Variants in CCDC171 observed in about 807,000 individuals in gnomAD.
The protein encoded by CCDC171 is coiled-coil domain-containing protein 171.
A neutral mutation model predicts 168.2 loss-of-function variants in CCDC171; 177 were observed. The observed-to-expected ratio is 1.05, with a 90% CI of 0.93 to 1.19. The LOEUF (loss-of-function observed/expected upper bound fraction) is 1.19. Among genes scored for constraint, CCDC171 ranks in the 50% most tolerant of loss-of-function variants. The pLI is 0.00. For synonymous variants in CCDC171, 687 were observed against 540.8 expected, an observed-to-expected ratio of 1.27 and a Z score of -3.75; for missense variants, 1,991 against 1,539.0, an observed-to-expected ratio of 1.29 and a Z score of -4.91.
intron 1 of CCDC171, among the ~76,000 whole-genome samples, chr9:16,048,030 G>T (rs1176120921): frequency 6.6e-6 from 1 of 152,208 alleles, no homozygotes; most frequent in Non-Finnish European, 1.5e-5. Context: ...GCCTGCAGTG[G>T]CAAGTTGGCT....
chr9:16,000,131 G>A (rs1048798751), intron 3 of CCDC171, among the ~76,000 whole-genome samples: 1 of 152,150 alleles, frequency 6.6e-6, no homozygotes, highest in Non-Finnish European at 1.5e-5. Context: ...CATCATATGA[G>A]AGTCACATTG....
At chr9:15,657,722 C>G (rs903261072) in intron 8 of CCDC171, among the ~76,000 whole-genome samples, 15 of 152,104 alleles carry the variant, frequency 9.9e-5, no homozygotes, top group African/African-American at 3.1e-4. Context: ...ATATCTATCT[C>G]CAGATATATA....
chr9:15,825,648 C>G (rs1300795980), intron 21 of CCDC171, among the ~76,000 whole-genome samples: 2 of 152,036 alleles, frequency 1.3e-5, no homozygotes, highest in African/African-American at 4.8e-5. Context: ...ATTTCCAATA[C>G]AGGATTTTCT....
intron 23 of CCDC171, among the ~76,000 whole-genome samples, chr9:15,866,058 C>G (rs893325938): frequency 6.6e-6 from 1 of 151,780 alleles, no homozygotes; most frequent in Non-Finnish European, 1.5e-5. Flanking sequence ...GCATGAATGA[C>G]TAAATATTCT....
In CCDC171 at chr9:15,744,640, T is replaced by C. The variant is rs2055140012; in HGVS notation, c.2417T>C (p.Ile806Thr). 6.2e-7 allele frequency: 1 copy of C among 1,614,208 alleles called. No individual in the cohort carries two copies. Among genetic ancestry groups the C allele is most frequent in the East Asian group, 2.2e-5 (1 of 44,876 alleles). ...ATACGTATATTTCGGAAAGGTGTTATTGCTGTTTTGGCAGCAAACAGACTC... is the reference window on the plus strand; with the variant it reads ...ATACGTATATTTCGGAAAGGTGTTACTGCTGTTTTGGCAGCAAACAGACTC... The part of the protein sequence containing the change: ...GLIRIFRKGV[I>T]AVLAANRLKI... The change falls in exon 17 of 26, where the codon ATT (isoleucine) becomes ACT (threonine). Residue 806 changes from isoleucine (I) to threonine (T), a missense_variant. Coordinates refer to ENST00000380701, the MANE Select transcript of CCDC171 (RefSeq NM_173550.4).
intron 6 of CCDC171, among the ~76,000 whole-genome samples, chr9:15,597,362 C>T (rs532907849): frequency 5.7e-4 from 86 of 152,094 alleles, no homozygotes; most frequent in Middle Eastern, 3.4e-3. Context: ...TGAAGGGTTG[C>T]TGAATTTTGT....
intron 10 of CCDC171, among the ~76,000 whole-genome samples, chr9:15,693,782 C>T (rs2051005341): frequency 6.6e-6 from 1 of 152,110 alleles, no homozygotes; most frequent in African/African-American, 2.4e-5. Flanking sequence ...TTTAAATGTG[C>T]TTAAGTTTCT....
At chr9:15,958,552 T>TATTATATTATATTAC (rs1219473203) in intron 25 of CCDC171, among the ~76,000 whole-genome samples, 2 of 146,556 alleles carry the variant, frequency 1.4e-5, no homozygotes, top group East Asian at 3.9e-4. Flanking sequence ...TATTATATTA[T>TATTATATTATATTAC]ATTATATTAT....
At position 15,983,817 on chromosome 9, in the gene CCDC171, AGTGTGTGTGTGT is replaced by A. The variant is rs58951910; in HGVS notation, n.369-36743_369-36732del. ...AGGGAGGCAAGAGCTAAATAAAGAG[AGTGTGTGTGTGT>A]GTGTGTGTGTGTGTGTGTGTGTGTG... On this transcript the variant is annotated intron_variant and non_coding_transcript_variant, in intron 3 of 9. Coordinates refer to the CCDC171 transcript ENST00000486641. Among the ~76,000 whole-genome samples, 26 of 142,642 alleles carry A rather than the reference AGTGTGTGTGTGT, an allele frequency of 1.8e-4. 1 individual carries two copies. Among genetic ancestry groups the A allele is most frequent in the South Asian group, 6.9e-4 (3 of 4,332 alleles). 93.6% of individuals were successfully genotyped at this position (142,642 alleles called of 152,430 possible).
intron 6 of CCDC171, among the ~76,000 whole-genome samples, chr9:15,600,877 A>G (rs1447657877): frequency 6.6e-6 from 1 of 152,080 alleles, no homozygotes; most frequent in African/African-American, 2.4e-5. Context: ...TTGCAGTTGG[A>G]TTTCACACTG....
intron 3 of CCDC171, among the ~76,000 whole-genome samples, chr9:15,987,972 T>C (rs548641262): frequency 7.0e-4 from 107 of 152,364 alleles, no homozygotes; most frequent in South Asian, 5.2e-3. Flanking sequence ...CAGCCACCCT[T>C]GTGGACAATC....
chr9:15,767,172 G>A (rs558138135), intron 18 of CCDC171, among the ~76,000 whole-genome samples: 13 of 152,308 alleles, frequency 8.5e-5, no homozygotes, highest in South Asian at 4.1e-4. Flanking sequence ...AAGACCACAC[G>A]AATTTATTAT....
At chr9:15,952,634 T>TA (rs1254760622) in intron 25 of CCDC171, among the ~76,000 whole-genome samples, 7 of 152,054 alleles carry the variant, frequency 4.6e-5, no homozygotes, top group Admixed American at 1.3e-4. Flanking sequence ...CAACCTCAGG[T>TA]GATCCACCTG....
chr9:15,684,184 T>A (rs2050227698), intron 10 of CCDC171, among the ~76,000 whole-genome samples: 1 of 152,170 alleles, frequency 6.6e-6, no homozygotes, highest in Admixed American at 6.6e-5. Context: ...TAGGCTTTGA[T>A]GCTTCCTCGT....
intron 10 of CCDC171, among the ~76,000 whole-genome samples, chr9:15,691,165 C>A (rs1043974107): frequency 6.6e-6 from 1 of 151,920 alleles, no homozygotes; most frequent in Non-Finnish European, 1.5e-5. Context: ...AGTGTCGTCA[C>A]TAATAGCAAA....
intron 5 of CCDC171, 126 bp from the exon 6 acceptor site, chr9:15,593,915 T>A: frequency 1.6e-6 from 1 of 624,086 alleles, no homozygotes; most frequent in East Asian, 3.1e-5. Flanking sequence ...TTAATGATTT[T>A]AACATGAATT....
chr9:15,626,775 C>CTT (rs910617662), intron 7 of CCDC171, among the ~76,000 whole-genome samples: 4 of 151,964 alleles, frequency 2.6e-5, no homozygotes, highest in Admixed American at 6.6e-5. Flanking sequence ...CTAAAATTCT[C>CTT]TTTTTTTTAG....
chr9:15,662,009 G>A (rs984080423), intron 8 of CCDC171, among the ~76,000 whole-genome samples: 2 of 152,182 alleles, frequency 1.3e-5, no homozygotes, highest in Non-Finnish European at 2.9e-5. Flanking sequence ...AGGTGCAGTG[G>A]CTCACACCTG....
chr9:15,725,849 G>A (rs2053767298), intron 14 of CCDC171, among the ~76,000 whole-genome samples: 1 of 152,156 alleles, frequency 6.6e-6, no homozygotes, highest in Non-Finnish European at 1.5e-5. Flanking sequence ...AGAAAAATAA[G>A]AGTCCCATAA....
Sources: allele counts gnomAD v4.1 joint callset (sites outside exome capture counted in the v4.1 genomes callset), GRCh38; gene constraint gnomAD v4.1.1; transcripts MANE v1.5; gene names NCBI Gene and HGNC (gene_info 2026-07-23, HGNC 2026-07-21).